CLTB: variants seen among roughly 807,000 people sequenced by gnomAD.
CLTB encodes clathrin light chain B.
Under a neutral mutation model 30.5 loss-of-function variants are expected in CLTB, and 10 were observed. The observed-to-expected ratio is 0.33, with a 90% confidence interval of 0.20 to 0.56. CLTB has a LOEUF of 0.56. Among genes scored for constraint, CLTB ranks in the 20% least tolerant of loss-of-function variants. The probability of loss-of-function intolerance (pLI) is 0.91; values close to 1 mark genes in which losing one functional copy is unlikely to be tolerated. For synonymous variants in CLTB, 102 were observed against 120.3 expected (o/e 0.85, Z 1.00); for missense variants, 261 against 308.3 (o/e 0.85, Z 1.15).
intron 1 of CLTB, among the ~76,000 whole-genome samples, chr5:176,413,100 C>T (rs534749242): frequency 7.9e-5 from 12 of 152,270 alleles, no homozygotes; most frequent in African/African-American, 2.9e-4. Context: ...TAAGAGTCCA[C>T]ACACACCTAC....
Position 176,397,997 on chromosome 5 carries a change from C to G in CLTB, c.285G>C (p.Arg95Ser), listed in dbSNP as rs1333902334. ...GGATGCTCTCAGGCTCCTGGGTCAG[C>G]CTGTCAGCCTGGGCAATGGCTGCGT... ...DGYAAIAQAD[R>S]LTQEPESIRK... The change falls in exon 3 of 6, where the codon AGG becomes AGC. Residue 95 changes from arginine to serine, a missense_variant. Arg to Ser is a moderately radical substitution (Grantham distance 110). Coordinates refer to ENST00000310418, the MANE Select transcript of CLTB (RefSeq NM_007097.5). The G allele has an allele frequency of 6.2e-7, 1 of 1,614,118 alleles. No individual in the cohort carries two copies. Among genetic ancestry groups the G allele is most frequent in the East Asian group, 2.2e-5 (1 of 44,878 alleles).
In CLTB at chr5:176,408,491, G is replaced by A. The variant is rs546859886; in HGVS notation, c.234+1766C>T. Among the ~76,000 whole-genome samples the A allele has an allele frequency of 4.0e-5, 6 of 151,450 alleles. No individual in the cohort carries two copies. In the South Asian group the frequency reaches 8.4e-4, roughly 21 times the overall value. ...GCGGAGGCTGCAGGGAGCCGAGATC[G>A]TGCCATTGCACTCCAGCCTGGGCAA... On this transcript the variant is annotated intron_variant, in intron 2 of 5. Coordinates refer to ENST00000310418, the MANE Select transcript of CLTB (RefSeq NM_007097.5).
At chr5:176,406,176 G>T in intron 2 of CLTB, 3 of 989,980 alleles carry the variant, frequency 3.0e-6, no homozygotes, top group Non-Finnish European at 3.6e-6. Flanking sequence ...TCAGTGGGGA[G>T]ATCAGTCATG....
At chr5:176,412,365 C>T (rs929501459) in intron 1 of CLTB, among the ~76,000 whole-genome samples, 1 of 152,076 alleles carries the variant, frequency 6.6e-6, no homozygotes, top group South Asian at 2.1e-4. Context: ...TTACTCATGA[C>T]CCCCAGGGTC....
intron 2 of CLTB, among the ~76,000 whole-genome samples, chr5:176,403,406 C>G (rs68144726): frequency 0.22 from 32,869 of 151,600 alleles, 3,580 homozygotes; most frequent in South Asian, 0.28. Context: ...TTTCTTTAAT[C>G]TTCGCAACCC....
At chr5:176,415,937 G>T (rs538602938) in intron 1 of CLTB, among the ~76,000 whole-genome samples, 189 of 152,332 alleles carry the variant, frequency 1.2e-3, no homozygotes, top group African/African-American at 4.3e-3. Flanking sequence ...AGCTGGCCTG[G>T]GGATGAAATG....
At chr5:176,397,450 G>C (rs1185755753) in intron 4 of CLTB, among the ~76,000 whole-genome samples, 157 bp downstream of exon 4, 1 of 59,940 alleles carries the variant, frequency 1.7e-5, no homozygotes, top group African/African-American at 6.9e-5. Context: ...CCCACAGCCC[G>C]TCTCATGTCC....
At chr5:176,396,581 C>A (rs776492275) in intron 4 of CLTB, 49 bp from the exon 5 acceptor site, 1 of 1,357,370 alleles carries the variant, frequency 7.4e-7, no homozygotes, top group Non-Finnish European at 1.1e-6. Context: ...AGGCAGATGG[C>A]AAGACAGACA....
chr5:176,412,155 G>A (rs558530457), intron 1 of CLTB, among the ~76,000 whole-genome samples: 19 of 141,100 alleles, frequency 1.3e-4, no homozygotes, highest in East Asian at 4.2e-4. Flanking sequence ...CAGCCTGGGC[G>A]ACAGAGTGAG....
chr5:176,408,448 A>G (rs958245466), intron 2 of CLTB, among the ~76,000 whole-genome samples: 2 of 151,932 alleles, frequency 1.3e-5, no homozygotes, highest in East Asian at 3.9e-4. Flanking sequence ...AGGCAGGAGA[A>G]TCACTTGAAC....
intron 2 of CLTB, among the ~76,000 whole-genome samples, chr5:176,408,926 T>C (rs146610672): frequency 2.0e-4 from 31 of 152,172 alleles, no homozygotes; most frequent in African/African-American, 7.2e-4. Flanking sequence ...CCCTTGGGGC[T>C]AACCATTGTT....
At chr5:176,394,545 CG>C (rs1427180630) in intron 5 of CLTB, among the ~76,000 whole-genome samples, 1 of 151,906 alleles carries the variant, frequency 6.6e-6, no homozygotes, top group African/African-American at 2.4e-5. Flanking sequence ...TGGCCAGGCG[CG>C]GTGGCTCATG....
rs530463993 is a variant in CLTB at position 176,402,008 on chromosome 5, A to C, written c.235-3961T>G. 18 of 313,528 alleles carry C rather than the reference A, an allele frequency of 5.7e-5. No individual in the cohort carries two copies. The East Asian group carries it at 1.1e-3, about 20-fold the overall frequency. The allele number at this position is 313,528 out of a possible 1,614,324, so 19.4% of individuals were successfully genotyped here. A position where few individuals can be genotyped will look rare whatever the true frequency, so the allele number is the denominator to read the frequency against. ...TCCGATTTATCATGTCACACTTTAA[A>C]ATATCCAAAGGCAGCCGGGCACGGT... On this transcript the variant is annotated intron_variant, in intron 2 of 5. Coordinates refer to ENST00000310418, the MANE Select transcript of CLTB (RefSeq NM_007097.5).
intron 2 of CLTB, chr5:176,406,748 C>A: frequency 7.9e-7 from 1 of 1,262,308 alleles, no homozygotes; most frequent in Non-Finnish European, 1.0e-6. Flanking sequence ...AAAGCTCTGT[C>A]TGGGATCCTT....
intron 2 of CLTB, among the ~76,000 whole-genome samples, chr5:176,407,174 G>A (rs1478355713): frequency 2.0e-5 from 3 of 152,168 alleles, no homozygotes; most frequent in Non-Finnish European, 4.4e-5. Flanking sequence ...GGGAGAAGGC[G>A]GGGGGCCAAG....
chr5:176,407,177 G>C (rs1173223237), intron 2 of CLTB, among the ~76,000 whole-genome samples: 1 of 152,168 alleles, frequency 6.6e-6, no homozygotes, highest in Non-Finnish European at 1.5e-5. Context: ...AGAAGGCGGG[G>C]GGCCAAGTCA....
At chr5:176,394,737 C>A (rs935770486) in intron 5 of CLTB, among the ~76,000 whole-genome samples, 7 of 152,048 alleles carry the variant, frequency 4.6e-5, no homozygotes, top group African/African-American at 1.7e-4. Flanking sequence ...ATTGCTTGAG[C>A]CCAGGAGGCG....
At chr5:176,412,713 A>G (rs932974620) in intron 1 of CLTB, among the ~76,000 whole-genome samples, 3 of 152,154 alleles carry the variant, frequency 2.0e-5, no homozygotes, top group Non-Finnish European at 4.4e-5. Context: ...TTTCAGAGTC[A>G]ACCAGTGATT....
In CLTB at chr5:176,401,080, T is replaced by C. The variant is rs559032455; in HGVS notation, c.235-3033A>G. Among the ~76,000 whole-genome samples the C allele has an allele frequency of 2.6e-5, 4 of 152,290 alleles. No homozygotes were observed. In the South Asian group the frequency reaches 8.3e-4, roughly 32 times the overall value. Reference sequence around the variant, plus strand: ...CAACACTGCATTGCAATTCAGAGACTCTCTCCCAACATCCCAGTGGGCCCT... The same window carrying C: ...CAACACTGCATTGCAATTCAGAGACCCTCTCCCAACATCCCAGTGGGCCCT... On this transcript the variant is annotated intron_variant, in intron 2 of 5. Transcript: ENST00000310418.
Sources: allele counts gnomAD v4.1 joint callset (sites outside exome capture counted in the v4.1 genomes callset), GRCh38; gene constraint gnomAD v4.1.1; transcripts MANE v1.5; gene names NCBI Gene and HGNC (gene_info 2026-07-23, HGNC 2026-07-21).